Variants in PRKD1 observed in about 807,000 individuals in gnomAD.
PRKD1 encodes protein kinase D1.
In PRKD1, 63 loss-of-function variants were observed where a neutral mutation model predicts 95.9. The ratio of observed to expected loss-of-function variants is 0.66; its 90% CI spans 0.54 to 0.81. PRKD1 has a LOEUF of 0.81. Among genes scored for constraint, PRKD1 ranks in the 30% least tolerant of loss-of-function variants. The pLI, the probability that PRKD1 is intolerant of heterozygous loss-of-function variation, is 0.00. For missense variants in PRKD1, 1,048 were observed against 1,165.3 expected, an observed-to-expected ratio of 0.90 and a Z score of 1.47; for synonymous variants, 425 against 423.1, an observed-to-expected ratio of 1.00 and a Z score of -0.05.
At chr14:29,664,270 C>T (rs1882355983) in intron 3 of PRKD1, among the ~76,000 whole-genome samples, 1 of 152,176 alleles carries the variant, frequency 6.6e-6, no homozygotes, top group Non-Finnish European at 1.5e-5. Flanking sequence ...GGCCTCATAA[C>T]TTGCTTGTCT....
rs1216779122 is a variant in PRKD1, at chr14:29,636,305, G to C, written c.1175C>G (p.Ala392Gly). 1.2e-6 allele frequency: 2 copies of C among 1,614,058 alleles called. No individual in the cohort carries two copies. The highest frequency in any genetic ancestry group is 1.7e-6 in the Non-Finnish European group (2 of 1,180,030). ...CTGCTCTCACCTGATGGTTCTGTTG[G>C]CGTCCTCGTGGTCTGGGTCTGGATC... ...MQDPDPDHEDANRTISPSTSN... is the reference protein window; with the variant it reads ...MQDPDPDHEDGNRTISPSTSN... Residue 392 changes from alanine to glycine, a missense_variant, in exon 7 of 18, where the codon GCC becomes GGC. Transcript: ENST00000331968.
At chr14:29,596,812 T>G (rs1379698135) in intron 16 of PRKD1, among the ~76,000 whole-genome samples, 1 of 152,198 alleles carries the variant, frequency 6.6e-6, no homozygotes, top group Non-Finnish European at 1.5e-5. Context: ...AATGAGTCAC[T>G]TTCTCTGCCC....
chr14:29,879,790 G>T (rs1025937474), intron 1 of PRKD1, among the ~76,000 whole-genome samples: 4 of 152,188 alleles, frequency 2.6e-5, no homozygotes, highest in Non-Finnish European at 4.4e-5. Context: ...TGAGGAACTT[G>T]TTGGGAACTG....
At chr14:29,858,793 G>A (rs1892600017) in intron 1 of PRKD1, among the ~76,000 whole-genome samples, 5 of 151,968 alleles carry the variant, frequency 3.3e-5, no homozygotes, top group Admixed American at 2.6e-4. Flanking sequence ...AGAACTGAAA[G>A]ATATTCTCAT....
rs751618424 is a variant in PRKD1, at chr14:29,597,506, C to T, written c.2419G>A (p.Glu807Lys). 1.9e-6 allele frequency: 3 copies of T among 1,603,220 alleles called. No individual in the cohort carries two copies. The highest frequency in any genetic ancestry group is 2.6e-6 in the Non-Finnish European group (3 of 1,171,286). The change falls in exon 16 of 18, where the codon GAA (glutamate) becomes AAA (lysine). Residue 807 changes from glutamate to lysine, a missense_variant. Coordinates refer to ENST00000331968, the MANE Select transcript of PRKD1 (RefSeq NM_002742.3). ...AAGATATTACCTTCATGAGATATTT[C>T]CTTCCAGGGATTTGGTGGATACATG... ...AFMYPPNPWK[E>K]ISHEAIDLIN...
At chr14:29,691,309 A>G (rs1055629913) in intron 2 of PRKD1, among the ~76,000 whole-genome samples, 8 of 152,218 alleles carry the variant, frequency 5.3e-5, no homozygotes, top group African/African-American at 1.7e-4. Flanking sequence ...TGTTTGCACA[A>G]TGAAATCACC....
intron 4 of PRKD1, among the ~76,000 whole-genome samples, chr14:29,647,908 G>GA (rs1274954391): frequency 1.3e-5 from 2 of 152,294 alleles, no homozygotes; most frequent in African/African-American, 4.8e-5. Flanking sequence ...AGTGTTGCAG[G>GA]AATCAGGCTT....
chr14:29,612,958 C>T (rs755277910), intron 13 of PRKD1, among the ~76,000 whole-genome samples: 1 of 152,078 alleles, frequency 6.6e-6, no homozygotes, highest in Non-Finnish European at 1.5e-5. Flanking sequence ...ATTAGCCGGG[C>T]TTGCTGGTGG....
chr14:29,640,656 T>C (rs1246406394), intron 4 of PRKD1, among the ~76,000 whole-genome samples: 1 of 152,186 alleles, frequency 6.6e-6, no homozygotes, highest in African/African-American at 2.4e-5. Flanking sequence ...CAGGGTAAAC[T>C]CCCTGTTCCA....
At chr14:29,671,695 C>A (rs1490397942) in intron 2 of PRKD1, among the ~76,000 whole-genome samples, 2 of 152,000 alleles carry the variant, frequency 1.3e-5, no homozygotes, top group Non-Finnish European at 2.9e-5. Context: ...TCAATAGGCC[C>A]AAATGAATTA....
At chr14:29,813,111 A>C (rs1435163212) in intron 1 of PRKD1, among the ~76,000 whole-genome samples, 10 of 152,280 alleles carry the variant, frequency 6.6e-5, no homozygotes, top group Admixed American at 6.5e-4. Context: ...ACTCTGTCTC[A>C]AAAAAACAAC....
At chr14:29,605,927 G>C (rs972507546) in intron 13 of PRKD1, among the ~76,000 whole-genome samples, 1 of 152,112 alleles carries the variant, frequency 6.6e-6, no homozygotes, top group South Asian at 2.1e-4. Context: ...ACAGCACATG[G>C]CTTTTTAATT....
chr14:29,925,598 T>C (rs188515966), intron 1 of PRKD1, among the ~76,000 whole-genome samples: 1 of 152,044 alleles, frequency 6.6e-6, no homozygotes, highest in South Asian at 2.1e-4. Flanking sequence ...ACCAAACCTC[T>C]TGAACTAGGC....
chr14:29,676,450 G>C (rs1341457313), intron 2 of PRKD1, among the ~76,000 whole-genome samples: 2 of 152,062 alleles, frequency 1.3e-5, no homozygotes, highest in African/African-American at 4.8e-5. Flanking sequence ...CGCCTTCCAG[G>C]TTCAAGCGAT....
rs146422791 is a variant in PRKD1 at position 29,863,478 on chromosome 14, C to T, written c.264+63771G>A. Reference sequence around the variant, plus strand: ...TGTTCTATCGTCAACTCTAGTTTTTCCTTTCTCTCGAAATCTCTCACTCTA... The same window carrying T: ...TGTTCTATCGTCAACTCTAGTTTTTTCTTTCTCTCGAAATCTCTCACTCTA... On this transcript the variant is annotated intron_variant, in intron 1 of 17. Coordinates refer to ENST00000331968, the MANE Select transcript of PRKD1 (RefSeq NM_002742.3). Among the ~76,000 whole-genome samples, 36 of 152,188 alleles carry T rather than the reference C, an allele frequency of 2.4e-4. No homozygotes were observed. The East Asian group carries it at 5.2e-3, about 22-fold the overall frequency.
intron 2 of PRKD1, among the ~76,000 whole-genome samples, chr14:29,678,507 T>A (rs1032620166): frequency 1.3e-5 from 2 of 152,164 alleles, no homozygotes; most frequent in Non-Finnish European, 2.9e-5. Flanking sequence ...TCTGCTTGTG[T>A]TTGACAGAAA....
intron 1 of PRKD1, among the ~76,000 whole-genome samples, chr14:29,878,543 T>C (rs1331123502): frequency 2.0e-5 from 3 of 151,994 alleles, no homozygotes; most frequent in Non-Finnish European, 1.5e-5. Flanking sequence ...CCAACTGCAG[T>C]ATATACAGAG....
chr14:29,840,607 G>A (rs1315212287), intron 1 of PRKD1, among the ~76,000 whole-genome samples: 3 of 152,112 alleles, frequency 2.0e-5, no homozygotes, highest in Non-Finnish European at 4.4e-5. Flanking sequence ...ACATACCTGA[G>A]ACGAGGGAAT....
chr14:29,759,747 C>T lies in PRKD1; in HGVS notation c.265-34073G>A, dbSNP rs955380275. On this transcript the variant is annotated intron_variant, in intron 1 of 17. Transcript: ENST00000331968. Reference sequence around the variant, plus strand: ...CACGGTGGCAGAAACTGGCATTGTGCGCAGTAAGTCATCAGGCTCATCTAA... The same window carrying T: ...CACGGTGGCAGAAACTGGCATTGTGTGCAGTAAGTCATCAGGCTCATCTAA... Among the ~76,000 whole-genome samples the T allele has an allele frequency of 5.9e-5, 9 of 152,024 alleles. No homozygotes were observed. In the South Asian group the frequency reaches 6.2e-4, roughly 11 times the overall value.
Sources: gnomAD v4.1 joint callset for allele counts (sites outside exome capture counted in the v4.1 genomes callset) on GRCh38, gnomAD v4.1.1 for gene constraint, MANE v1.5 for transcripts, NCBI Gene and HGNC (gene_info 2026-07-23, HGNC 2026-07-21) for gene names.